The following PRKCB variants were observed in gnomAD, a reference collection of about 807,000 sequenced individuals.
The protein encoded by PRKCB is protein kinase C beta type.
In PRKCB, 13 loss-of-function variants were observed where a neutral mutation model predicts 81.5. That is an observed-to-expected ratio of 0.16 (90% CI 0.10 to 0.25). The LOEUF is 0.25. PRKCB is among the 10% of genes least tolerant of loss of function. The pLI, the probability that PRKCB is intolerant of heterozygous loss-of-function variation, is 1.00. For missense variants in PRKCB, 509 were observed against 875.7 expected, an observed-to-expected ratio of 0.58 and a Z score of 5.29; for synonymous variants, 335 against 321.4, an observed-to-expected ratio of 1.04 and a Z score of -0.45.
Position 24,070,392 on chromosome 16 carries a change from G to A in PRKCB, c.530-22399G>A, listed in dbSNP as rs201960298. Among the ~76,000 whole-genome samples the A allele has an allele frequency of 3.9e-5, 6 of 151,972 alleles. No homozygotes were observed. The East Asian group carries it at 1.2e-3, about 29-fold the overall frequency. On this transcript the variant is annotated intron_variant, in intron 5 of 16. Coordinates refer to ENST00000643927, the MANE Select transcript of PRKCB (RefSeq NM_002738.7). ...TCAAACTCCTGACCTCAAGTGATTC[G>A]CCTGCCTCAGCCTCCCAAAATGCTG... is the stretch of plus-strand genomic sequence containing the variant.
At chr16:23,882,010 CTT>C (rs1403835104) in intron 2 of PRKCB, among the ~76,000 whole-genome samples, 6 of 103,764 alleles carry the variant, frequency 5.8e-5, no homozygotes, top group Admixed American at 1.1e-4. Flanking sequence ...TTCTTTCTTT[CTT>C]TCTTTCTTTC....
intron 2 of PRKCB, among the ~76,000 whole-genome samples, chr16:23,843,925 T>C (rs571501940): frequency 6.6e-5 from 10 of 152,262 alleles, no homozygotes; most frequent in Middle Eastern, 3.4e-3. Context: ...TCTCTGCTTA[T>C]CCTTCTGTCT....
intron 16 of PRKCB, among the ~76,000 whole-genome samples, chr16:24,212,312 A>G (rs1316702687): frequency 6.6e-6 from 1 of 151,718 alleles, no homozygotes; most frequent in Non-Finnish European, 1.5e-5. Flanking sequence ...CATATATTCA[A>G]AAACACTTGG....
intron 3 of PRKCB, among the ~76,000 whole-genome samples, chr16:24,021,068 C>CT (rs1447157009): frequency 1.9e-5 from 1 of 52,038 alleles, no homozygotes; most frequent in Non-Finnish European, 3.8e-5. Flanking sequence ...CCCTCCCTCC[C>CT]TCCCTTCTTT....
intron 3 of PRKCB, among the ~76,000 whole-genome samples, chr16:23,992,120 G>GCT (rs1471874132): frequency 6.6e-6 from 1 of 152,214 alleles, no homozygotes; most frequent in Non-Finnish European, 1.5e-5. Context: ...GAGAAAGTGA[G>GCT]CTCTCACTGG....
At chr16:23,982,096 TTTTCCC>T (rs1964734998) in intron 2 of PRKCB, among the ~76,000 whole-genome samples, 1 of 10,150 alleles carries the variant, frequency 9.9e-5, no homozygotes, top group Non-Finnish European at 1.7e-4. Context: ...TTCCCTTTCC[TTTTCCC>T]TTCCCTTCCC....
chr16:23,883,734 G>A (rs1399379939), intron 2 of PRKCB, among the ~76,000 whole-genome samples: 2 of 152,112 alleles, frequency 1.3e-5, no homozygotes, highest in Admixed American at 6.5e-5. Flanking sequence ...AATTGGAAGA[G>A]GGAAGCAAAT....
intron 2 of PRKCB, among the ~76,000 whole-genome samples, chr16:23,977,327 C>T (rs1964638999): frequency 1.3e-5 from 2 of 152,144 alleles, no homozygotes; most frequent in Admixed American, 1.3e-4. Flanking sequence ...CAGTGTTCAG[C>T]TCTCCCAAGC....
At chr16:23,912,507 CTT>C (rs1210105406) in intron 2 of PRKCB, among the ~76,000 whole-genome samples, 34 of 72,084 alleles carry the variant, frequency 4.7e-4, no homozygotes, top group Admixed American at 6.9e-4. Flanking sequence ...TTTCTTTCTT[CTT>C]TTTTTTTTTT....
At chr16:24,115,567 G>T in intron 8 of PRKCB, among the ~76,000 whole-genome samples, 1 of 151,310 alleles carries the variant, frequency 6.6e-6, no homozygotes, top group Admixed American at 6.6e-5. Flanking sequence ...TTATCCCGAT[G>T]ATTTTAGCAT....
At chr16:24,092,980 G>T (rs1172166333) in intron 6 of PRKCB, 33 bp downstream of exon 6, 1 of 1,600,420 alleles carries the variant, frequency 6.2e-7, no homozygotes, top group Non-Finnish European at 8.5e-7. Context: ...AGCATGGGTG[G>T]TGGAGGTTGG....
intron 2 of PRKCB, among the ~76,000 whole-genome samples, chr16:23,888,265 G>A (rs765729479): frequency 1.3e-5 from 2 of 152,186 alleles, no homozygotes; most frequent in Non-Finnish European, 2.9e-5. Flanking sequence ...AGGTTGTTGA[G>A]TTGAGACACT....
rs1357473436 is a variant in PRKCB, at chr16:24,021,117, CTT to C, written c.289-11017_289-11016del. Among the ~76,000 whole-genome samples the C allele has an allele frequency of 2.7e-4, 35 of 128,294 alleles. 3 individuals are homozygous for C. The South Asian group carries it at 7.2e-3, about 27-fold the overall frequency. 84.2% of individuals were successfully genotyped at this position (128,294 alleles called of 152,430 possible). A position where few individuals can be genotyped will look rare whatever the true frequency, so the allele number is the denominator to read the frequency against. On this transcript the variant is annotated intron_variant, in intron 3 of 16. Coordinates refer to ENST00000643927, the MANE Select transcript of PRKCB (RefSeq NM_002738.7). ...TTTCTTTCTTTCTTTCCTTCTCTCTCTTTCTTTCTTTCCTTCCTTCCTTCCTT... is the reference window on the plus strand; with the variant it reads ...TTTCTTTCTTTCTTTCCTTCTCTCTCTCTTTCTTTCCTTCCTTCCTTCCTT...
At chr16:23,984,080 C>A (rs897655943) in intron 2 of PRKCB, among the ~76,000 whole-genome samples, 1 of 151,872 alleles carries the variant, frequency 6.6e-6, no homozygotes, top group African/African-American at 2.4e-5. Context: ...AGGATGCAGC[C>A]AAAACTGTAC....
chr16:24,063,683 A>G (rs1175308482), intron 5 of PRKCB, among the ~76,000 whole-genome samples: 3 of 152,140 alleles, frequency 2.0e-5, no homozygotes, highest in African/African-American at 7.2e-5. Context: ...CAGTATCATG[A>G]TGATAGAGGA....
At chr16:23,838,007 T>C (rs1962197678) in intron 2 of PRKCB, among the ~76,000 whole-genome samples, 1 of 152,230 alleles carries the variant, frequency 6.6e-6, no homozygotes, top group Non-Finnish European at 1.5e-5. Context: ...ACTGGTTACC[T>C]GAGTTCTTGC....
chr16:23,910,823 A>AT (rs562988879), intron 2 of PRKCB, among the ~76,000 whole-genome samples: 3 of 151,610 alleles, frequency 2.0e-5, no homozygotes, highest in Admixed American at 2.0e-4. Context: ...GTCGCTCTCC[A>AT]TTTTTTTTCT....
chr16:24,084,984 C>T (rs183600499), intron 5 of PRKCB, among the ~76,000 whole-genome samples: 1 of 152,098 alleles, frequency 6.6e-6, no homozygotes, highest in African/African-American at 2.4e-5. Context: ...GGTATGCACA[C>T]AGGATGTTGA....
intron 2 of PRKCB, among the ~76,000 whole-genome samples, chr16:23,923,310 A>T (rs1241521037): frequency 6.6e-6 from 1 of 151,412 alleles, no homozygotes; most frequent in Non-Finnish European, 1.5e-5. Context: ...CCCTTCTCAG[A>T]TGGAAGAGAC....
Sources: gnomAD v4.1 joint callset for allele counts (sites outside exome capture counted in the v4.1 genomes callset) on GRCh38, gnomAD v4.1.1 for gene constraint, MANE v1.5 for transcripts, NCBI Gene and HGNC (gene_info 2026-07-23, HGNC 2026-07-21) for gene names.